The following DCLK1 variants were observed in gnomAD, a reference collection of about 807,000 sequenced individuals.
DCLK1 encodes doublecortin like kinase 1.
DCLK1 carries 16 observed loss-of-function variants against 86.2 expected under a neutral mutation model. The ratio of observed to expected loss-of-function variants is 0.19; its 90% CI spans 0.13 to 0.28. DCLK1 has a LOEUF of 0.28. Ranked by LOEUF, DCLK1 falls within the 10% of genes least tolerant of loss-of-function variation. DCLK1 has a pLI of 1.00. For missense variants in DCLK1, 590 were observed against 940.2 expected (o/e 0.63, Z 4.87); for synonymous variants, 369 against 370.5 (o/e 1.00, Z 0.05).
intron 3 of DCLK1, among the ~76,000 whole-genome samples, chr13:35,990,149 T>C (rs1356912834): frequency 6.6e-6 from 1 of 152,240 alleles, no homozygotes; most frequent in African/African-American, 2.4e-5. Context: ...TCTTCCTATT[T>C]AAACCATGTG....
chr13:35,958,195 CCACCACCATTATAACCAT>C (rs1566620814), intron 3 of DCLK1, among the ~76,000 whole-genome samples: 10 of 149,984 alleles, frequency 6.7e-5, no homozygotes, highest in African/African-American at 2.5e-4. Context: ...ACCACTACCA[CCACCACCATTATAACCAT>C]CACCACCACC....
At chr13:36,047,490 G>A (rs1018860059) in intron 3 of DCLK1, among the ~76,000 whole-genome samples, 1 of 152,080 alleles carries the variant, frequency 6.6e-6, no homozygotes, top group South Asian at 2.1e-4. Context: ...TGTACACAAT[G>A]GAATCCTATT....
intron 4 of DCLK1, among the ~76,000 whole-genome samples, chr13:35,873,067 A>G (rs537548968): frequency 6.6e-6 from 1 of 151,944 alleles, no homozygotes; most frequent in Admixed American, 6.6e-5. Flanking sequence ...TTTCTTCTTT[A>G]TATTTTCCAA....
At chr13:35,923,004 T>A (rs992403249) in intron 4 of DCLK1, among the ~76,000 whole-genome samples, 4 of 152,222 alleles carry the variant, frequency 2.6e-5, no homozygotes, top group African/African-American at 9.7e-5. Flanking sequence ...CAATCCTGGT[T>A]ACCTTTCCTT....
chr13:35,817,656 C>T (rs2087302079), intron 11 of DCLK1, among the ~76,000 whole-genome samples: 1 of 152,166 alleles, frequency 6.6e-6, no homozygotes, highest in Non-Finnish European at 1.5e-5. Flanking sequence ...TACATCCCTT[C>T]TCTGGGTCAA....
chr13:35,823,524 G>A (rs2087446227), intron 10 of DCLK1, among the ~76,000 whole-genome samples: 1 of 152,198 alleles, frequency 6.6e-6, no homozygotes, highest in African/African-American at 2.4e-5. Flanking sequence ...GGAGGAAGGG[G>A]GGGAAATCTC....
At chr13:35,994,948 T>C (rs1373804784) in intron 3 of DCLK1, among the ~76,000 whole-genome samples, 2 of 152,224 alleles carry the variant, frequency 1.3e-5, no homozygotes. Flanking sequence ...TGGCCCATCA[T>C]TAAGGTTCAT....
rs1448794037 is a variant in DCLK1, at chr13:35,770,709, A to G, written c.*3826T>C. ...ATCTACAATATATGCCAGGTGACCC[A>G]TTAAATTTAAAAAATGTGTGCGAAT... On this transcript the variant is annotated 3_prime_UTR_variant, in exon 17 of 17. Coordinates refer to ENST00000360631, the MANE Select transcript of DCLK1 (RefSeq NM_001330071.2). 6.6e-6 allele frequency: 1 copy of G among 152,224 alleles called. No individual in the cohort carries two copies. Among genetic ancestry groups the G allele is most frequent in the African/African-American group, 2.4e-5 (1 of 41,472 alleles). 9.4% of individuals were successfully genotyped at this position (152,224 alleles called of 1,614,324 possible).
rs147927967 is a variant in DCLK1 at position 35,934,610 on chromosome 13, C to T, written c.823+12748G>A. 1.2e-3 allele frequency among the ~76,000 whole-genome samples: 177 copies of T among 152,260 alleles called. 1 individual carries two copies. In the Middle Eastern group the frequency reaches 0.014, roughly 12 times the overall value. On this transcript the variant is annotated intron_variant, in intron 4 of 16. Transcript: ENST00000360631. The stretch of plus-strand genomic sequence containing the variant: ...AGCAGTATTGGGGAAACTGCACCCA[C>T]GATTCAATTATCTCTCACTGGGTCC...
At chr13:35,853,595 G>C (rs1223340698) in intron 6 of DCLK1, among the ~76,000 whole-genome samples, 3 of 152,144 alleles carry the variant, frequency 2.0e-5, no homozygotes, top group Non-Finnish European at 2.9e-5. Flanking sequence ...GAACTCAGAA[G>C]TTTTGTTTTA....
At chr13:35,944,495 T>C (rs1877258576) in intron 4 of DCLK1, among the ~76,000 whole-genome samples, 1 of 152,124 alleles carries the variant, frequency 6.6e-6, no homozygotes, top group Non-Finnish European at 1.5e-5. Flanking sequence ...AAAAAAAGAT[T>C]CAAATGTTAA....
chr13:36,095,930 G>A (rs1055927446), intron 3 of DCLK1, among the ~76,000 whole-genome samples: 11 of 152,020 alleles, frequency 7.2e-5, no homozygotes, highest in African/African-American at 1.4e-4. Context: ...TTAGCTAAAG[G>A]AAATTACAAT....
In DCLK1 at chr13:35,985,396, A is replaced by C. The variant is rs1008210760; in HGVS notation, c.724-37939T>G. On this transcript the variant is annotated intron_variant, in intron 3 of 16. Coordinates refer to ENST00000360631, the MANE Select transcript of DCLK1 (RefSeq NM_001330071.2). ...CTCTTTGAAAAACAAACAAACAAAA[A>C]AAAAAAATTGGAGTACTGAAAATGC... Among the ~76,000 whole-genome samples the C allele has an allele frequency of 5.0e-4, 76 of 152,264 alleles. 1 individual carries two copies. Among genetic ancestry groups the C allele is most frequent in the Middle Eastern group, 6.8e-3 (2 of 294 alleles).
At chr13:35,816,072 A>C (rs2087258435) in intron 11 of DCLK1, among the ~76,000 whole-genome samples, 1 of 152,200 alleles carries the variant, frequency 6.6e-6, no homozygotes, top group African/African-American at 2.4e-5. Context: ...AGTTCTATGC[A>C]GCTGCAGCGA....
chr13:36,070,381 A>C (rs1388800768), intron 3 of DCLK1, among the ~76,000 whole-genome samples: 1 of 152,180 alleles, frequency 6.6e-6, no homozygotes, highest in African/African-American at 2.4e-5. Flanking sequence ...ACAGTACTGG[A>C]CTTCGCTATT....
intron 11 of DCLK1, among the ~76,000 whole-genome samples, chr13:35,819,687 T>G (rs2087347523): frequency 6.6e-6 from 1 of 152,132 alleles, no homozygotes; most frequent in African/African-American, 2.4e-5. Flanking sequence ...TTAACTTTAT[T>G]ATAACATTTT....
At chr13:35,937,264 C>T (rs1259578555) in intron 4 of DCLK1, among the ~76,000 whole-genome samples, 1 of 152,100 alleles carries the variant, frequency 6.6e-6, no homozygotes, top group Non-Finnish European at 1.5e-5. Context: ...TGAGCCACCG[C>T]ACCCGGTCCC....
At chr13:35,912,030 G>T (rs1281226793) in intron 4 of DCLK1, among the ~76,000 whole-genome samples, 2 of 152,128 alleles carry the variant, frequency 1.3e-5, no homozygotes, top group Admixed American at 6.5e-5. Flanking sequence ...TTCCTTCGGG[G>T]TGGCTGTGAG....
intron 5 of DCLK1, among the ~76,000 whole-genome samples, chr13:35,862,071 C>T (rs1252632994): frequency 6.6e-6 from 1 of 150,736 alleles, no homozygotes; most frequent in East Asian, 2.0e-4. Flanking sequence ...TGCAGACTTC[C>T]CTCCCCCATG....
Sources: allele counts gnomAD v4.1 joint callset (sites outside exome capture counted in the v4.1 genomes callset), GRCh38; gene constraint gnomAD v4.1.1; transcripts MANE v1.5; gene names NCBI Gene and HGNC (gene_info 2026-07-23, HGNC 2026-07-21).